The following SDK1 variants were observed in gnomAD, a reference collection of about 807,000 sequenced individuals.
SDK1 encodes sidekick cell adhesion molecule 1, also known as protein sidekick-1.
A neutral mutation model predicts 245.5 loss-of-function variants in SDK1; 157 were observed. The ratio of observed to expected loss-of-function variants is 0.64; its 90% CI spans 0.56 to 0.73. SDK1 has a LOEUF of 0.73. SDK1 is among the 30% of genes least tolerant of loss of function. The pLI, the probability that SDK1 is intolerant of heterozygous loss-of-function variation, is 0.00. For synonymous variants in SDK1, 1,647 were observed against 1,278.5 expected (o/e 1.29, Z -6.15); for missense variants, 3,583 against 3,002.3 (o/e 1.19, Z -4.52).
At chr7:4,045,269 G>A (rs998146632) in intron 17 of SDK1, among the ~76,000 whole-genome samples, 1 of 151,538 alleles carries the variant, frequency 6.6e-6, no homozygotes, top group African/African-American at 2.4e-5. Flanking sequence ...TTAGAGACAG[G>A]GTCTCACTCT....
chr7:3,775,493 AT>A (rs1780526393), intron 4 of SDK1, among the ~76,000 whole-genome samples: 1 of 151,332 alleles, frequency 6.6e-6, no homozygotes, highest in African/African-American at 2.4e-5. Flanking sequence ...TCTGACACAT[AT>A]GTGCTTGACT....
intron 1 of SDK1, among the ~76,000 whole-genome samples, chr7:3,304,934 C>G (rs1779378404): frequency 6.6e-6 from 1 of 152,154 alleles, no homozygotes; most frequent in Non-Finnish European, 1.5e-5. Flanking sequence ...CCCCCTCCTC[C>G]CTCCAGGTGA....
chr7:4,079,051 C>T (rs1252840276), intron 21 of SDK1, among the ~76,000 whole-genome samples: 1 of 152,188 alleles, frequency 6.6e-6, no homozygotes. Context: ...CCTCCGAGGC[C>T]GCGGTAATTA....
chr7:3,570,438 G>C (rs1369320494), intron 1 of SDK1, among the ~76,000 whole-genome samples: 1 of 152,068 alleles, frequency 6.6e-6, no homozygotes, highest in Non-Finnish European at 1.5e-5. Flanking sequence ...TGTGCAGCTG[G>C]TTCCTAACAG....
intron 22 of SDK1, among the ~76,000 whole-genome samples, chr7:4,086,521 A>T (rs1781438860): frequency 6.6e-6 from 1 of 152,090 alleles, no homozygotes; most frequent in Non-Finnish European, 1.5e-5. Flanking sequence ...GGTCATTCCC[A>T]GCTCCTGGAG....
At chr7:3,353,594 C>G (rs892151482) in intron 1 of SDK1, among the ~76,000 whole-genome samples, 6 of 152,142 alleles carry the variant, frequency 3.9e-5, no homozygotes, top group Admixed American at 6.6e-5. Flanking sequence ...AGTTCTGTAA[C>G]TGTAACTTAC....
At chr7:3,477,719 G>C (rs1418591402) in intron 1 of SDK1, among the ~76,000 whole-genome samples, 1 of 151,842 alleles carries the variant, frequency 6.6e-6, no homozygotes, top group African/African-American at 2.4e-5. Flanking sequence ...CCACTATGTT[G>C]TTCAGGCTTG....
intron 1 of SDK1, among the ~76,000 whole-genome samples, chr7:3,504,178 A>ATGTGTGTGTGTGTGTGTGTGTGTGTG (rs1159786202): frequency 1.9e-5 from 1 of 52,392 alleles, no homozygotes; most frequent in South Asian, 1.1e-3. Context: ...TTATATATAT[A>ATGTGTGTGTGTGTGTGTGTGTGTGTG]TATATGTGTG....
chr7:4,185,121 G>C (rs1782809153), intron 35 of SDK1, among the ~76,000 whole-genome samples: 1 of 152,224 alleles, frequency 6.6e-6, no homozygotes, highest in Non-Finnish European at 1.5e-5. Context: ...AAGCGAGAGG[G>C]TCCCTAGAGG....
intron 7 of SDK1, 72 bp from the exon 8 acceptor site, chr7:3,958,859 T>C: frequency 8.6e-7 from 1 of 1,167,236 alleles, no homozygotes; most frequent in Non-Finnish European, 1.3e-6. Flanking sequence ...GAGCCCACAC[T>C]ATCTTAGGTT....
At chr7:3,819,894 A>C (rs572090234) in intron 4 of SDK1, among the ~76,000 whole-genome samples, 5 of 152,344 alleles carry the variant, frequency 3.3e-5, no homozygotes, top group Non-Finnish European at 4.4e-5. Context: ...AAAATTCCTC[A>C]TGAGAGATTA....
chr7:3,812,566 T>A (rs1017604106), intron 4 of SDK1, among the ~76,000 whole-genome samples: 1 of 152,192 alleles, frequency 6.6e-6, no homozygotes, highest in African/African-American at 2.4e-5. Flanking sequence ...TAACAATGAC[T>A]CTCCTAGAAA....
At chr7:3,508,102 A>G (rs935934980) in intron 1 of SDK1, among the ~76,000 whole-genome samples, 2 of 152,084 alleles carry the variant, frequency 1.3e-5, no homozygotes, top group Non-Finnish European at 2.9e-5. Flanking sequence ...ACTGATAGTC[A>G]GGGTGTTGTC....
intron 1 of SDK1, among the ~76,000 whole-genome samples, chr7:3,584,413 G>T (rs550820484): frequency 3.4e-4 from 52 of 152,118 alleles, no homozygotes; most frequent in Non-Finnish European, 6.2e-4. Flanking sequence ...TTCTGATTGA[G>T]CTTTCACTTC....
intron 40 of SDK1, among the ~76,000 whole-genome samples, chr7:4,228,758 T>G (rs1446574439): frequency 6.6e-6 from 1 of 152,224 alleles, no homozygotes; most frequent in Non-Finnish European, 1.5e-5. Flanking sequence ...CAGGCTGGTC[T>G]TGAACTCGTG....
rs147454835 is a variant in SDK1, at chr7:3,503,199, T to C, written c.299-115881T>C. 9.1e-4 allele frequency among the ~76,000 whole-genome samples: 139 copies of C among 152,274 alleles called. 1 individual carries two copies. Among genetic ancestry groups the C allele is most frequent in the African/African-American group, 3.2e-3 (135 of 41,564 alleles). On this transcript the variant is annotated intron_variant, in intron 1 of 44. Coordinates refer to ENST00000404826, the MANE Select transcript of SDK1 (RefSeq NM_152744.4). ...TACATAAATTCAAGGTTTTTAAGAA[T>C]TTGTCAACTCCCTGGAAGAAGAAGA...
At chr7:3,344,756 A>G (rs1055166315) in intron 1 of SDK1, among the ~76,000 whole-genome samples, 8 of 152,304 alleles carry the variant, frequency 5.3e-5, no homozygotes, top group South Asian at 4.1e-4. Context: ...TTACCTTTTC[A>G]TATATACTGC....
Position 3,601,157 on chromosome 7 carries a change from T to G in SDK1, c.299-17923T>G, listed in dbSNP as rs115051592. On this transcript the variant is annotated intron_variant, in intron 1 of 44. Transcript: ENST00000404826. ...TGTTGAAGATTTTTGGGTCTAAGTT[T>G]ATGAGAGATACTGGTCTATAGTTTA... Among the ~76,000 whole-genome samples, 540 of 152,320 alleles carry G rather than the reference T, an allele frequency of 3.5e-3. 4 individuals are homozygous for G. The highest frequency in any genetic ancestry group is 0.012 in the African/African-American group (516 of 41,586).
intron 4 of SDK1, among the ~76,000 whole-genome samples, chr7:3,800,584 A>T (rs949751922): frequency 1.3e-5 from 2 of 151,910 alleles, no homozygotes; most frequent in African/African-American, 4.8e-5. Context: ...GTTAACCAGG[A>T]TGGTCTTGAT....
Sources: gnomAD v4.1 joint callset for allele counts (sites outside exome capture counted in the v4.1 genomes callset) on GRCh38, gnomAD v4.1.1 for gene constraint, MANE v1.5 for transcripts, NCBI Gene and HGNC (gene_info 2026-07-23, HGNC 2026-07-21) for gene names.